Variants in DYTN observed in about 807,000 individuals in gnomAD.
DYTN encodes dystrotelin.
In DYTN, 75 loss-of-function variants were observed where a neutral mutation model predicts 69.6. That is an observed-to-expected ratio of 1.08 (90% CI 0.89 to 1.31). The LOEUF (loss-of-function observed/expected upper bound fraction) is 1.31. Ranked by LOEUF, DYTN falls within the 50% of genes most tolerant of loss-of-function variation. The pLI, the probability that DYTN is intolerant of heterozygous loss-of-function variation, is 0.00. For missense variants in DYTN, 726 were observed against 688.4 expected (o/e 1.05, Z -0.61); for synonymous variants, 252 against 249.1 (o/e 1.01, Z -0.11).
rs772861150 is a variant in DYTN at position 206,659,484 on chromosome 2, C to CAAA, written c.1633+3416_1633+3418dup. On this transcript the variant is annotated intron_variant, in intron 11 of 11. Coordinates refer to ENST00000452335, the MANE Select transcript of DYTN (RefSeq NM_001093730.1). ...CCACCACGCCGGGCCCAACAATTCT[C>CAAA]AAAAAAAAAAAAAAAAAAAAAAAAA... 1.6e-3 allele frequency among the ~76,000 whole-genome samples: 102 copies of CAAA among 64,556 alleles called. 2 individuals carry two copies. The highest frequency in any genetic ancestry group is 4.1e-3 in the East Asian group (8 of 1,952). The allele number at this position is 64,556 out of a possible 152,430, so 42.4% of individuals were successfully genotyped here.
intron 1 of DYTN, among the ~76,000 whole-genome samples, chr2:206,711,443 TTTC>T (rs1253131419): frequency 1.3e-5 from 2 of 152,154 alleles, no homozygotes; most frequent in Non-Finnish European, 2.9e-5. Flanking sequence ...TGATCTTCAG[TTTC>T]TTCTTCAGAT....
chr2:206,693,429 CT>C, intron 8 of DYTN, 106 bp from the exon 9 acceptor site: 3 of 1,368,254 alleles, frequency 2.2e-6, no homozygotes, highest in Non-Finnish European at 2.0e-6. Context: ...GGAATTATTT[CT>C]CTTAAGTCCT....
At chr2:206,710,894 A>C in intron 1 of DYTN, among the ~76,000 whole-genome samples, 1 of 152,230 alleles carries the variant, frequency 6.6e-6, no homozygotes, top group Non-Finnish European at 1.5e-5. Context: ...GATAAAAAAA[A>C]CTACATGTAG....
intron 9 of DYTN, among the ~76,000 whole-genome samples, chr2:206,670,854 A>C (rs1699622797): frequency 6.6e-6 from 1 of 152,176 alleles, no homozygotes; most frequent in Admixed American, 6.5e-5. Flanking sequence ...TCTTCCCCAA[A>C]GGCATCTACA....
At chr2:206,696,642 C>A (rs962941408) in intron 7 of DYTN, among the ~76,000 whole-genome samples, 9 of 152,132 alleles carry the variant, frequency 5.9e-5, no homozygotes, top group African/African-American at 2.2e-4. Flanking sequence ...GTAACTTGCA[C>A]AAAGTTACAC....
chr2:206,697,388 T>A (rs868419818), intron 7 of DYTN, among the ~76,000 whole-genome samples: 1 of 152,204 alleles, frequency 6.6e-6, no homozygotes, highest in African/African-American at 2.4e-5. Flanking sequence ...CACTCTATGG[T>A]CTTTGCACCT....
intron 9 of DYTN, among the ~76,000 whole-genome samples, chr2:206,675,621 A>C (rs985337259): frequency 7.2e-5 from 11 of 152,262 alleles, no homozygotes; most frequent in South Asian, 2.1e-4. Context: ...TAAATATCAC[A>C]AAGATAAAAG....
chr2:206,691,829 C>T (rs1699866630), intron 9 of DYTN, among the ~76,000 whole-genome samples: 1 of 152,078 alleles, frequency 6.6e-6, no homozygotes, highest in Non-Finnish European at 1.5e-5. Context: ...AAATAGGGGT[C>T]TGGGATTGAG....
intron 9 of DYTN, among the ~76,000 whole-genome samples, chr2:206,675,041 G>C (rs1480879548): frequency 6.6e-6 from 1 of 150,936 alleles, no homozygotes; most frequent in African/African-American, 2.4e-5. Context: ...GAAAGATGTG[G>C]AGTCTTTCAG....
chr2:206,680,851 C>T (rs953746304), intron 9 of DYTN, among the ~76,000 whole-genome samples: 2 of 152,152 alleles, frequency 1.3e-5, no homozygotes, highest in South Asian at 2.1e-4. Flanking sequence ...TTCCCTCAAA[C>T]AAATGGGTAT....
At chr2:206,703,593 C>G (rs1699996614) in intron 5 of DYTN, among the ~76,000 whole-genome samples, 1 of 152,140 alleles carries the variant, frequency 6.6e-6, no homozygotes, top group African/African-American at 2.4e-5. Flanking sequence ...TTATTGTCAT[C>G]ATCATGAACA....
intron 9 of DYTN, among the ~76,000 whole-genome samples, chr2:206,689,235 G>A (rs917545950): frequency 1.1e-4 from 17 of 152,134 alleles, no homozygotes; most frequent in Non-Finnish European, 1.9e-4. Flanking sequence ...AAGGGAGAAG[G>A]CTTATTACCA....
chr2:206,681,520 T>A (rs1185743973), intron 9 of DYTN, among the ~76,000 whole-genome samples: 1 of 152,192 alleles, frequency 6.6e-6, no homozygotes, highest in African/African-American at 2.4e-5. Context: ...TTGTCATAAA[T>A]AGCTCTTATT....
chr2:206,685,368 G>A lies in DYTN; in HGVS notation c.980+7807C>T, dbSNP rs564042696. On this transcript the variant is annotated intron_variant, in intron 9 of 11. Coordinates refer to ENST00000452335, the MANE Select transcript of DYTN (RefSeq NM_001093730.1). ...TGTAGAGACGGAATCTCTCTATGTTGCCCAGGCTGGTCTCGAACTCCTGGG... is the reference window on the plus strand; with the variant it reads ...TGTAGAGACGGAATCTCTCTATGTTACCCAGGCTGGTCTCGAACTCCTGGG... Among the ~76,000 whole-genome samples, 84 of 151,970 alleles carry A rather than the reference G, an allele frequency of 5.5e-4. 1 individual carries two copies. In the South Asian group the frequency reaches 0.018, roughly 32 times the overall value.
intron 9 of DYTN, among the ~76,000 whole-genome samples, chr2:206,674,913 G>A (rs944902173): frequency 9.2e-5 from 14 of 151,690 alleles, no homozygotes; most frequent in African/African-American, 3.1e-4. Flanking sequence ...AAACCATCTC[G>A]AGCCAACAAC....
intron 11 of DYTN, among the ~76,000 whole-genome samples, chr2:206,654,306 C>T (rs1456476302): frequency 2.0e-5 from 3 of 152,166 alleles, no homozygotes; most frequent in African/African-American, 7.2e-5. Flanking sequence ...AAAGCAAGAG[C>T]AACCCCTCCT....
chr2:206,664,043 G>T (rs1442636353), intron 10 of DYTN, among the ~76,000 whole-genome samples: 1 of 151,772 alleles, frequency 6.6e-6, no homozygotes, highest in Admixed American at 6.6e-5. Context: ...TAATAATCAG[G>T]GTATTCTTCA....
intron 9 of DYTN, among the ~76,000 whole-genome samples, chr2:206,668,682 GTTAT>G (rs1216659776): frequency 1.3e-5 from 2 of 152,126 alleles, no homozygotes; most frequent in Non-Finnish European, 2.9e-5. Flanking sequence ...GCAGTTAAAT[GTTAT>G]TTAATTTGTC....
chr2:206,674,602 C>G (rs1325631240), intron 9 of DYTN, among the ~76,000 whole-genome samples: 2 of 151,946 alleles, frequency 1.3e-5, no homozygotes, highest in African/African-American at 4.8e-5. Flanking sequence ...AACTCAAATG[C>G]TCAAAACTGA....
Sources: allele counts gnomAD v4.1 joint callset (sites outside exome capture counted in the v4.1 genomes callset), GRCh38; gene constraint gnomAD v4.1.1; transcripts MANE v1.5; gene names NCBI Gene and HGNC (gene_info 2026-07-23, HGNC 2026-07-21).